Variants in CDH9 observed in about 807,000 individuals in gnomAD.
CDH9 encodes the protein cadherin 9.
In CDH9, 28 loss-of-function variants were observed where a neutral mutation model predicts 70.9. The ratio of observed to expected loss-of-function variants is 0.40; its 90% CI spans 0.29 to 0.54. CDH9 has a LOEUF of 0.54. CDH9 is among the 20% of genes least tolerant of loss of function. CDH9 has a pLI of 0.59. For missense variants in CDH9, 874 were observed against 984.4 expected (o/e 0.89, Z 1.50); for synonymous variants, 409 against 343.1 (o/e 1.19, Z -2.12).
At chr5:26,907,994 T>C (rs1740979526) in intron 3 of CDH9, among the ~76,000 whole-genome samples, 2 of 152,162 alleles carry the variant, frequency 1.3e-5, no homozygotes, top group South Asian at 4.1e-4. Flanking sequence ...CAAAAATTAA[T>C]ATATAGTAAT....
intron 1 of CDH9, among the ~76,000 whole-genome samples, chr5:27,016,342 A>C (rs972730004): frequency 1.3e-5 from 2 of 151,856 alleles, no homozygotes; most frequent in Non-Finnish European, 2.9e-5. Context: ...TTGATGAAAA[A>C]GTACATTGCT....
intron 2 of CDH9, among the ~76,000 whole-genome samples, chr5:26,934,190 G>T (rs1156367769): frequency 1.3e-5 from 2 of 152,140 alleles, no homozygotes; most frequent in East Asian, 1.9e-4. Context: ...TCAAGGCCAG[G>T]TGTGGTGACT....
chr5:26,972,743 A>G (rs1742241330), intron 2 of CDH9, among the ~76,000 whole-genome samples: 1 of 152,198 alleles, frequency 6.6e-6, no homozygotes, highest in Admixed American at 6.5e-5. Flanking sequence ...CAAACACTGA[A>G]AAAAGTCCTC....
intron 2 of CDH9, among the ~76,000 whole-genome samples, chr5:26,933,102 T>C (rs1179162040): frequency 6.8e-6 from 1 of 147,374 alleles, no homozygotes; most frequent in Non-Finnish European, 1.5e-5. Context: ...ATTTATATTA[T>C]ACAAATATAA....
intron 7 of CDH9, among the ~76,000 whole-genome samples, chr5:26,892,960 C>G (rs995775864): frequency 6.6e-6 from 1 of 152,082 alleles, no homozygotes; most frequent in Non-Finnish European, 1.5e-5. Context: ...GTCTCGATCT[C>G]ATGACCTCGT....
In CDH9 at chr5:26,903,806, G is replaced by A; in HGVS notation, c.830C>T (p.Ser277Phe). ...AGTTCCAAGAGGTACAGACTCAGGAGAATTAAATTGATACGTACCTATAAA... is the reference window on the plus strand; with the variant it reads ...AGTTCCAAGAGGTACAGACTCAGGAAAATTAAATTGATACGTACCTATAAA... ...RFPQSTYQFN[S>F]PESVPLGTHL... The change falls in exon 6 of 12, where the codon TCT becomes TTT. Residue 277 changes from serine to phenylalanine, a missense_variant. Physicochemically the swap from Ser to Phe is radical, Grantham distance 155. Transcript: ENST00000231021. 1 of 1,570,530 alleles carries A rather than the reference G, an allele frequency of 6.4e-7. No individual in the cohort carries two copies. The highest frequency in any genetic ancestry group is 2.2e-5 in the East Asian group (1 of 44,470).
chr5:26,926,498 T>C (rs187008567), intron 2 of CDH9, among the ~76,000 whole-genome samples: 3 of 152,084 alleles, frequency 2.0e-5, no homozygotes, highest in African/African-American at 7.2e-5. Flanking sequence ...ATCAATATCA[T>C]GAAAATGGCC....
chr5:26,956,380 T>C (rs889943632), intron 2 of CDH9, among the ~76,000 whole-genome samples: 1 of 152,198 alleles, frequency 6.6e-6, no homozygotes, highest in African/African-American at 2.4e-5. Flanking sequence ...CTCTGGTATG[T>C]CTTTATCAGC....
At chr5:26,953,631 ATTAT>A (rs1486967083) in intron 2 of CDH9, among the ~76,000 whole-genome samples, 2 of 152,142 alleles carry the variant, frequency 1.3e-5, no homozygotes, top group African/African-American at 4.8e-5. Context: ...TATATGGAAA[ATTAT>A]CTATTTCTCT....
intron 9 of CDH9, among the ~76,000 whole-genome samples, chr5:26,889,478 C>T (rs1740618511): frequency 6.6e-6 from 1 of 152,022 alleles, no homozygotes. Context: ...ATTTCATTTT[C>T]ATACTTCAGG....
intron 2 of CDH9, 61 bp from the exon 3 acceptor site, chr5:26,915,985 A>G (rs1203756336): frequency 3.4e-6 from 4 of 1,184,546 alleles, no homozygotes; most frequent in Non-Finnish European, 4.8e-6. Context: ...CATAAAACAT[A>G]ATTTTGGCGC....
intron 1 of CDH9, among the ~76,000 whole-genome samples, chr5:27,013,668 A>G (rs1157218106): frequency 6.6e-6 from 1 of 151,920 alleles, no homozygotes; most frequent in Non-Finnish European, 1.5e-5. Context: ...CTACAGCCCT[A>G]CCAACCGACC....
chr5:27,009,050 A>G lies in CDH9; in HGVS notation c.-49-20668T>C, dbSNP rs1742913608. Among the ~76,000 whole-genome samples the G allele has an allele frequency of 3.3e-5, 5 of 152,296 alleles. No homozygotes were observed. The South Asian group carries it at 1.0e-3, about 32-fold the overall frequency. ...AAGATAGAAATATTTGGTAAATAAC[A>G]TGATGATCATGGTGACTCACCCCAA... On this transcript the variant is annotated intron_variant, in intron 1 of 11. Coordinates refer to ENST00000231021, the MANE Select transcript of CDH9 (RefSeq NM_016279.4).
At chr5:26,931,641 G>T (rs1368595300) in intron 2 of CDH9, among the ~76,000 whole-genome samples, 1 of 151,956 alleles carries the variant, frequency 6.6e-6, no homozygotes, top group African/African-American at 2.4e-5. Flanking sequence ...ACATGGAAGG[G>T]CATTGTATCA....
intron 1 of CDH9, among the ~76,000 whole-genome samples, chr5:27,000,640 C>T (rs1180649923): frequency 1.3e-5 from 2 of 151,964 alleles, no homozygotes; most frequent in Non-Finnish European, 2.9e-5. Flanking sequence ...AAAATAATGT[C>T]CACAGGAAAA....
At chr5:27,033,150 T>C (rs1743336980) in intron 1 of CDH9, among the ~76,000 whole-genome samples, 1 of 151,304 alleles carries the variant, frequency 6.6e-6, no homozygotes, top group Admixed American at 6.6e-5. Flanking sequence ...TGGACTATAA[T>C]TGAGTTTAAG....
intron 2 of CDH9, among the ~76,000 whole-genome samples, chr5:26,938,040 A>T (rs1741591270): frequency 6.6e-6 from 1 of 152,124 alleles, no homozygotes; most frequent in South Asian, 2.1e-4. Context: ...CATGATAATG[A>T]AAGGTATTTA....
intron 3 of CDH9, among the ~76,000 whole-genome samples, chr5:26,907,461 C>G (rs1412218787): frequency 2.6e-5 from 4 of 151,978 alleles, no homozygotes; most frequent in African/African-American, 9.7e-5. Flanking sequence ...CTGCATAATA[C>G]TGGTTATTTG....
intron 2 of CDH9, among the ~76,000 whole-genome samples, chr5:26,967,126 TA>T (rs745650451): frequency 1.3e-5 from 2 of 151,512 alleles, no homozygotes; most frequent in Non-Finnish European, 2.9e-5. Flanking sequence ...TATTTTATTT[TA>T]TTTTTTTGTG....
Sources: allele counts gnomAD v4.1 joint callset (sites outside exome capture counted in the v4.1 genomes callset), GRCh38; gene constraint gnomAD v4.1.1; transcripts MANE v1.5; gene names NCBI Gene and HGNC (gene_info 2026-07-23, HGNC 2026-07-21).